The following VPS13B variants were observed in gnomAD, a reference collection of about 807,000 sequenced individuals.
VPS13B encodes the protein intermembrane lipid transfer protein VPS13B.
A neutral mutation model predicts 426.4 loss-of-function variants in VPS13B; 285 were observed. The ratio of observed to expected loss-of-function variants is 0.67; its 90% CI spans 0.61 to 0.74. VPS13B has a LOEUF of 0.74. VPS13B is among the 30% of genes least tolerant of loss of function. VPS13B has a pLI of 0.00. For synonymous variants in VPS13B, 1,676 were observed against 1,676.4 expected (o/e 1.00, Z 0.01); for missense variants, 4,537 against 4,782.6 (o/e 0.95, Z 1.51).
chr8:99,096,367 C>G lies in VPS13B; in HGVS notation c.347C>G (p.Thr116Arg), dbSNP rs762421764. 26 of 1,613,940 alleles carry G rather than the reference C, an allele frequency of 1.6e-5. No individual in the cohort carries two copies. In the Admixed American group the frequency reaches 2.3e-4, roughly 14 times the overall value. The change falls in exon 4 of 62, where the codon ACA becomes AGA. Residue 116 changes from threonine to arginine, a missense_variant. By Grantham distance (71) the Thr-to-Arg change is moderately conservative. Around this residue, in one of 2 missense-constraint regions of VPS13B, gnomAD observed 226 missense variants for 308.3 expected, o/e 0.73. Coordinates refer to ENST00000357162, the MANE Select transcript of VPS13B (RefSeq NM_152564.5). ...NSTNRSTAES[T>R]KSSIKPRRMQ... Reference sequence around the variant, plus strand: ...ACCAACCGTAGTACTGCTGAGAGCACAAAATCATCAATCAAACCGCGGAGA... The same window carrying G: ...ACCAACCGTAGTACTGCTGAGAGCAGAAAATCATCAATCAAACCGCGGAGA...
At chr8:99,076,934 CT>C (rs1178474493) in intron 3 of VPS13B, among the ~76,000 whole-genome samples, 3 of 151,784 alleles carry the variant, frequency 2.0e-5, no homozygotes, top group Non-Finnish European at 4.4e-5. Context: ...TCCTTTGTTC[CT>C]TTTTCATTGT....
chr8:99,591,875 T>C (rs979377393), intron 33 of VPS13B, among the ~76,000 whole-genome samples: 5 of 152,144 alleles, frequency 3.3e-5, no homozygotes, highest in Admixed American at 1.3e-4. Context: ...GTTCTCTATA[T>C]TTCCTGAATT....
At chr8:99,263,038 G>T (rs1406468658) in intron 17 of VPS13B, among the ~76,000 whole-genome samples, 2 of 152,136 alleles carry the variant, frequency 1.3e-5, no homozygotes, top group Non-Finnish European at 2.9e-5. Flanking sequence ...GCCCCCCAAA[G>T]TGCTGGGATT....
At chr8:99,458,326 A>T (rs1201484496) in intron 23 of VPS13B, among the ~76,000 whole-genome samples, 1 of 152,202 alleles carries the variant, frequency 6.6e-6, no homozygotes, top group East Asian at 1.9e-4. Flanking sequence ...GTTGTTGGAC[A>T]TTTCGTTTGG....
At chr8:99,406,223 GTT>G (rs74275398) in intron 21 of VPS13B, among the ~76,000 whole-genome samples, 1 of 136,702 alleles carries the variant, frequency 7.3e-6, no homozygotes. Flanking sequence ...TCCTGTTCTT[GTT>G]TTTTTTTTTT....
chr8:99,114,315 G>A (rs1847536690), intron 6 of VPS13B, among the ~76,000 whole-genome samples: 1 of 152,074 alleles, frequency 6.6e-6, no homozygotes, highest in Admixed American at 6.5e-5. Flanking sequence ...CAAATGATAT[G>A]TAATTTAATT....
At chr8:99,845,041 G>GT (rs1815909472) in intron 54 of VPS13B, among the ~76,000 whole-genome samples, 1 of 152,102 alleles carries the variant, frequency 6.6e-6, no homozygotes, top group South Asian at 2.1e-4. Flanking sequence ...TCAAGCAACA[G>GT]TTTTACTGAA....
intron 16 of VPS13B, among the ~76,000 whole-genome samples, chr8:99,170,550 A>G (rs1169326724): frequency 6.6e-6 from 1 of 151,922 alleles, no homozygotes; most frequent in Non-Finnish European, 1.5e-5. Flanking sequence ...AATTTCGTAT[A>G]TATTCATACC....
chr8:99,279,025 G>T (rs976794195), intron 19 of VPS13B, among the ~76,000 whole-genome samples: 1 of 152,108 alleles, frequency 6.6e-6, no homozygotes, highest in Admixed American at 6.5e-5. Flanking sequence ...TGCTTCTCTG[G>T]TTCCTTTGTA....
At chr8:99,413,654 G>T (rs1235047300) in intron 21 of VPS13B, among the ~76,000 whole-genome samples, 2 of 152,112 alleles carry the variant, frequency 1.3e-5, no homozygotes, top group African/African-American at 2.4e-5. Flanking sequence ...TGGTTTCAAA[G>T]AACTTATTTA....
At chr8:99,764,337 A>ATTTTTTAAG (rs1563906114) in intron 39 of VPS13B, among the ~76,000 whole-genome samples, 1 of 152,058 alleles carries the variant, frequency 6.6e-6, no homozygotes, top group East Asian at 1.9e-4. Flanking sequence ...ACATAGGATT[A>ATTTTTTAAG]ACCCACATGT....
chr8:99,740,887 C>T (rs1809681415), intron 39 of VPS13B, among the ~76,000 whole-genome samples: 1 of 152,074 alleles, frequency 6.6e-6, no homozygotes, highest in Admixed American at 6.6e-5. Context: ...TTGTAAAGAC[C>T]ATCGAGGCTA....
chr8:99,254,152 T>C (rs1013718070), intron 17 of VPS13B, among the ~76,000 whole-genome samples: 6 of 152,172 alleles, frequency 3.9e-5, no homozygotes, highest in Non-Finnish European at 8.8e-5. Context: ...TCTCCTGATA[T>C]CCCAAAAATC....
intron 2 of VPS13B, among the ~76,000 whole-genome samples, chr8:99,037,686 C>G (rs1842808644): frequency 6.6e-6 from 1 of 152,132 alleles, no homozygotes; most frequent in African/African-American, 2.4e-5. Flanking sequence ...CAAATTATAT[C>G]TAGAAGTGAG....
intron 34 of VPS13B, among the ~76,000 whole-genome samples, chr8:99,659,074 A>G (rs1044177669): frequency 6.6e-6 from 1 of 152,130 alleles, no homozygotes; most frequent in Admixed American, 6.5e-5. Flanking sequence ...GGTTCAAGCA[A>G]TATGCTCACC....
At chr8:99,683,488 A>ATG (rs1831242274) in intron 35 of VPS13B, among the ~76,000 whole-genome samples, 1 of 152,146 alleles carries the variant, frequency 6.6e-6, no homozygotes, top group Non-Finnish European at 1.5e-5. Flanking sequence ...TGGTATGTGT[A>ATG]TGGTATGTCT....
At chr8:99,024,341 T>C (rs953887787) in intron 2 of VPS13B, among the ~76,000 whole-genome samples, 5 of 152,248 alleles carry the variant, frequency 3.3e-5, no homozygotes, top group Non-Finnish European at 5.9e-5. Flanking sequence ...TTATGGATAT[T>C]AACCTCTTAT....
intron 23 of VPS13B, among the ~76,000 whole-genome samples, chr8:99,443,696 A>C (rs187651433): frequency 6.6e-6 from 1 of 152,092 alleles, no homozygotes; most frequent in Non-Finnish European, 1.5e-5. Flanking sequence ...GGATATATCA[A>C]ATTTTTTTGA....
intron 42 of VPS13B, among the ~76,000 whole-genome samples, chr8:99,779,750 A>C (rs1157711306): frequency 6.6e-6 from 1 of 152,210 alleles, no homozygotes; most frequent in Non-Finnish European, 1.5e-5. Flanking sequence ...TAATATGTTC[A>C]ATGATTTAAG....
Sources: allele counts gnomAD v4.1 joint callset (sites outside exome capture counted in the v4.1 genomes callset), GRCh38; gene constraint gnomAD v4.1.1; regional missense constraint gnomAD v4.1.1; transcripts MANE v1.5; gene names NCBI Gene and HGNC (gene_info 2026-07-23, HGNC 2026-07-21).